Variants in BPIFB4 observed in about 807,000 individuals in gnomAD.
BPIFB4 encodes BPI fold-containing family B member 4.
A neutral mutation model predicts 69.2 loss-of-function variants in BPIFB4; 62 were observed. That is an observed-to-expected ratio of 0.90 (90% CI 0.73 to 1.11). The LOEUF (loss-of-function observed/expected upper bound fraction) is 1.11. BPIFB4 is among the 50% of genes least tolerant of loss of function. The pLI is 0.00. For synonymous variants in BPIFB4, 330 were observed against 332.7 expected (o/e 0.99, Z 0.09); for missense variants, 789 against 792.0 (o/e 1.00, Z 0.04).
chr20:33,110,572 G>A (rs1246567025), intron 17 of BPIFB4, among the ~76,000 whole-genome samples: 2 of 152,156 alleles, frequency 1.3e-5, no homozygotes, highest in Non-Finnish European at 2.9e-5. Flanking sequence ...TTGCCATTCA[G>A]TGTTCACGGT....
At chr20:33,096,602 T>C (rs1199664900) in intron 12 of BPIFB4, among the ~76,000 whole-genome samples, 1 of 152,202 alleles carries the variant, frequency 6.6e-6, no homozygotes, top group Non-Finnish European at 1.5e-5. Context: ...TTGGTTCTGA[T>C]CATTCCCTCT....
chr20:33,104,358 G>A (rs1250152029), intron 15 of BPIFB4, among the ~76,000 whole-genome samples: 1 of 152,216 alleles, frequency 6.6e-6, no homozygotes, highest in Non-Finnish European at 1.5e-5. Flanking sequence ...CCATTTTACA[G>A]CTGAGGAAGC....
intron 3 of BPIFB4, among the ~76,000 whole-genome samples, chr20:33,082,525 G>T (rs1972201): frequency 0.23 from 34,889 of 151,792 alleles, 4,194 homozygotes; most frequent in Admixed American, 0.29. Flanking sequence ...GTAGAGACGG[G>T]GTTTCACCAT....
At chr20:33,107,537 G>A (rs1982103233) in intron 16 of BPIFB4, among the ~76,000 whole-genome samples, 1 of 152,236 alleles carries the variant, frequency 6.6e-6, no homozygotes, top group Non-Finnish European at 1.5e-5. Flanking sequence ...TTGGGAGGCT[G>A]AGGCAGGAGA....
At chr20:33,109,169 A>G (rs2146418495) in intron 17 of BPIFB4, among the ~76,000 whole-genome samples, 1 of 152,318 alleles carries the variant, frequency 6.6e-6, no homozygotes, top group African/African-American at 2.4e-5. Flanking sequence ...GGGAACGATA[A>G]TGGCCACCTC....
intron 9 of BPIFB4, 31 bp downstream of exon 9, chr20:33,089,589 G>A (rs1469119259): frequency 1.2e-6 from 2 of 1,614,168 alleles, no homozygotes; most frequent in South Asian, 1.1e-5. Flanking sequence ...CCAGCCTGGG[G>A]AAGGCACTGA....
At position 33,092,498 on chromosome 20, in the gene BPIFB4, C is replaced by G; in HGVS notation, c.1184C>G (p.Pro395Arg). The G allele has an allele frequency of 6.2e-7, 1 of 1,614,118 alleles. No individual in the cohort carries two copies. Among genetic ancestry groups the G allele is most frequent in the East Asian group, 2.2e-5 (1 of 44,886 alleles). The change falls in exon 11 of 18, where the codon CCA (proline) becomes CGA (arginine). Residue 395 changes from proline (P) to arginine (R), a missense_variant. This residue lies in a region of BPIFB4 where 611 missense variants were observed against 575.4 expected (regional missense o/e 1.06). Transcript: ENST00000375483. ...GEAGGGLIDY[P>R]LGWPAVSPKP... ...GCTGGAGGAGGACTCATCGACTACC[C>G]ATTGGGGTGGCCAGCTGTGTCTCCC...
chr20:33,080,735 G>C (rs761938), intron 2 of BPIFB4, among the ~76,000 whole-genome samples, 159 bp downstream of exon 2: 5 of 152,056 alleles, frequency 3.3e-5, no homozygotes, highest in Non-Finnish European at 7.4e-5. Flanking sequence ...GCATTGATGA[G>C]TAGATAAACT....
intron 17 of BPIFB4, among the ~76,000 whole-genome samples, chr20:33,109,762 C>A (rs985614983): frequency 1.4e-4 from 22 of 152,142 alleles, no homozygotes; most frequent in African/African-American, 5.3e-4. Context: ...ATCTGTGAAC[C>A]TTATTCCAGA....
intron 6 of BPIFB4, 127 bp downstream of exon 6, chr20:33,085,123 C>G: frequency 6.8e-7 from 1 of 1,470,246 alleles, no homozygotes; most frequent in East Asian, 2.5e-5. Flanking sequence ...CAGAGGCCAT[C>G]TGTCAGCGGT....
At chr20:33,091,543 G>A (rs1981599790) in intron 10 of BPIFB4, among the ~76,000 whole-genome samples, 1 of 152,256 alleles carries the variant, frequency 6.6e-6, no homozygotes, top group South Asian at 2.1e-4. Flanking sequence ...AGAGATGCAG[G>A]AGTGCATCCG....
At chr20:33,094,350 C>G (rs1304294060) in intron 11 of BPIFB4, among the ~76,000 whole-genome samples, 2 of 152,182 alleles carry the variant, frequency 1.3e-5, no homozygotes. Context: ...TCTTAAGAAG[C>G]AAGCCAATTT....
intron 15 of BPIFB4, 182 bp from the exon 16 acceptor site, chr20:33,104,628 T>TG (rs373940558): frequency 7.0e-6 from 4 of 571,112 alleles, no homozygotes; most frequent in East Asian, 5.9e-5. Flanking sequence ...TGCAAGTTGA[T>TG]GGGGGGCACC....
At chr20:33,104,567 G>C in intron 15 of BPIFB4, 1 of 471,626 alleles carries the variant, frequency 2.1e-6, no homozygotes, top group Non-Finnish European at 3.8e-6. Context: ...GCTTCATAGG[G>C]GCCTTGGGCC....
intron 7 of BPIFB4, 108 bp downstream of exon 7, chr20:33,086,272 C>T (rs550476702): frequency 3.7e-5 from 51 of 1,392,858 alleles, no homozygotes; most frequent in African/African-American, 1.6e-4. Flanking sequence ...GTGGGCAGGA[C>T]GATGATGCTG....
At chr20:33,092,114 C>T (rs1292040761) in intron 10 of BPIFB4, among the ~76,000 whole-genome samples, 1 of 152,190 alleles carries the variant, frequency 6.6e-6, no homozygotes, top group South Asian at 2.1e-4. Flanking sequence ...GAGCAGATCA[C>T]CTAGCACCTT....
chr20:33,107,316 C>G (rs1288673303), intron 16 of BPIFB4, among the ~76,000 whole-genome samples: 1 of 151,952 alleles, frequency 6.6e-6, no homozygotes, highest in East Asian at 1.9e-4. Flanking sequence ...CAGGTGTGGG[C>G]ACCATGGCTC....
Position 33,109,988 on chromosome 20 carries a change from C to G in BPIFB4, c.1822-1426C>G, listed in dbSNP as rs149763986. ...AGAAAAGTTGCAAACATAGTACAGA[C>G]AGTTCCAGAATACCCTTCTCCCAGC... On this transcript the variant is annotated intron_variant, in intron 17 of 17. Coordinates refer to ENST00000375483, the MANE Select transcript of BPIFB4 (RefSeq NM_182519.3). 3.7e-4 allele frequency among the ~76,000 whole-genome samples: 57 copies of G among 152,268 alleles called. No individual in the cohort carries two copies. The East Asian group carries it at 9.8e-3, about 26-fold the overall frequency.
Position 33,082,967 on chromosome 20 carries a change from G to A in BPIFB4, c.136G>A (p.Ala46Thr). The A allele has an allele frequency of 6.2e-7, 1 of 1,613,486 alleles. No individual in the cohort carries two copies. Among genetic ancestry groups the A allele is most frequent in the East Asian group, 2.2e-5 (1 of 44,812 alleles). ...TTCAGGCATGCTGCAGCAAAGTGAT[G>A]CTCTCCACTCGGCCCTGAGAGAGGT... ...AISGMLQQSD[A>T]LHSALREVPL... is the part of the protein sequence containing the mutation. Residue 46 changes from alanine (A) to threonine (T), a missense_variant, in exon 4 of 18, where the codon GCT becomes ACT. Coordinates refer to ENST00000375483, the MANE Select transcript of BPIFB4 (RefSeq NM_182519.3).
Sources: gnomAD v4.1 joint callset for allele counts (sites outside exome capture counted in the v4.1 genomes callset) on GRCh38, gnomAD v4.1.1 for gene constraint, gnomAD v4.1.1 regional missense constraint, MANE v1.5 for transcripts, NCBI Gene and HGNC (gene_info 2026-07-23, HGNC 2026-07-21) for gene names.